Variants in FLNC observed in about 807,000 individuals in gnomAD.
FLNC encodes the protein filamin C, also known as filamin-C.
FLNC carries 91 observed loss-of-function variants against 254.3 expected under a neutral mutation model. That is an observed-to-expected ratio of 0.36 (90% confidence interval 0.30 to 0.43). FLNC has a LOEUF of 0.43. Among genes scored for constraint, FLNC ranks in the 20% least tolerant of loss-of-function variants. FLNC has a pLI of 1.00. For missense variants in FLNC, 2,853 were observed against 3,802.6 expected (o/e 0.75, Z 6.57); for synonymous variants, 1,430 against 1,577.2 (o/e 0.91, Z 2.21).
rs933349270 is a variant in FLNC at position 128,844,043 on chromosome 7, C to T, written c.2969C>T (p.Thr990Ile). The change falls in exon 20 of 48, where the codon ACA becomes ATA. Residue 990 changes from threonine to isoleucine, a missense_variant. This residue lies in a region of FLNC where 1,573 missense variants were observed against 1,883.5 expected (regional missense o/e 0.84). Transcript: ENST00000325888. ...VGQEQAFSVN[T>I]RGAGGQGQLD... ...CAGGAACAAGCATTCTCTGTGAACA[C>T]ACGAGGGGCTGGCGGTCAGGGCCAA... 1.8e-5 allele frequency: 29 copies of T among 1,614,018 alleles called. No homozygotes were observed. The highest frequency in any genetic ancestry group is 2.3e-5 in the Non-Finnish European group (27 of 1,180,052).
At chr7:128,848,118 C>T in intron 26 of FLNC, 50 bp downstream of exon 26, 4 of 1,561,660 alleles carry the variant, frequency 2.6e-6, no homozygotes, top group Non-Finnish European at 3.5e-6. Flanking sequence ...CTGGGGTGCT[C>T]CTGCTGGGGT....
intron 8 of FLNC, among the ~76,000 whole-genome samples, chr7:128,839,225 G>A (rs963569409): frequency 1.3e-5 from 2 of 152,232 alleles, no homozygotes; most frequent in Non-Finnish European, 1.5e-5. Context: ...GGCATGGCCC[G>A]GGCCGTGTGG....
At position 128,842,177 on chromosome 7, in the gene FLNC, G is replaced by A; in HGVS notation, c.2122-54G>A. 11 of 1,596,986 alleles carry A rather than the reference G, an allele frequency of 6.9e-6. No individual in the cohort carries two copies. Among genetic ancestry groups the A allele is most frequent in the Non-Finnish European group, 8.6e-6 (10 of 1,169,238 alleles). On this transcript the variant is annotated intron_variant, in intron 13 of 47. Coordinates refer to ENST00000325888, the MANE Select transcript of FLNC (RefSeq NM_001458.5). This position sits in a 1 kb window ranked among gnomAD's most constrained non-coding sequence, Gnocchi z 5.4. The stretch of plus-strand genomic sequence containing the variant: ...GCGCTGGGTTCACCTGCGGCCAGCA[G>A]AGGGCGCTCTGCAGAGGCCACAGCT...
chr7:128,847,911 C>T (rs762517673), intron 25 of FLNC, 34 bp from the exon 26 acceptor site: 29 of 1,613,596 alleles, frequency 1.8e-5, no homozygotes, highest in South Asian at 8.8e-5. Context: ...GCGGGACGCC[C>T]GGAGGCTCTG....
At chr7:128,845,491 C>T (rs546431240) in intron 21 of FLNC, among the ~76,000 whole-genome samples, 3 of 152,230 alleles carry the variant, frequency 2.0e-5, no homozygotes, top group African/African-American at 7.2e-5. Flanking sequence ...TGCCTCTGGG[C>T]GTTTTTCTGG....
In FLNC at chr7:128,858,842, C is replaced by T. The variant is rs1809184448; in HGVS notation, c.*319C>T. On this transcript the variant is annotated 3_prime_UTR_variant, in exon 48 of 48. Coordinates refer to ENST00000325888, the MANE Select transcript of FLNC (RefSeq NM_001458.5). This position sits in a 1 kb window ranked among gnomAD's most constrained non-coding sequence, Gnocchi z 6.7. ...GGCCAGGGAAGCCCTGAGTTTCTGGCGGGGCTGAGCAGTGGGGGAGCATTG... is the reference window on the plus strand; with the variant it reads ...GGCCAGGGAAGCCCTGAGTTTCTGGTGGGGCTGAGCAGTGGGGGAGCATTG... 1.1e-5 allele frequency: 5 copies of T among 446,160 alleles called. No individual in the cohort carries two copies. Among genetic ancestry groups the T allele is most frequent in the South Asian group, 4.6e-5 (2 of 43,708 alleles). The allele number at this position is 446,160 out of a possible 1,614,324, so 27.6% of individuals were successfully genotyped here. A position where few individuals can be genotyped will look rare whatever the true frequency, so the allele number is the denominator to read the frequency against.
rs1438890334 is a variant in FLNC, at chr7:128,835,737, C to A, written c.601+163C>A. Among the ~76,000 whole-genome samples, 1 of 152,200 alleles carries A rather than the reference C, an allele frequency of 6.6e-6. No individual in the cohort carries two copies. The highest frequency in any genetic ancestry group is 1.5e-5 in the Non-Finnish European group (1 of 68,018). ...TCCTCCAGCTGTGGCTCTCCGCTGG[C>A]TGGTGGCAGGCCCTACCTGATGAGT... On this transcript the variant is annotated intron_variant, in intron 2 of 47. Transcript: ENST00000325888. This position sits in a 1 kb window ranked among gnomAD's most constrained non-coding sequence, Gnocchi z 5.3.
At position 128,858,973 on chromosome 7, in the gene FLNC, G is replaced by C. The variant is rs1809190292; in HGVS notation, c.*450G>C. The C allele has an allele frequency of 1.0e-5, 2 of 195,904 alleles. No homozygotes were observed. The highest frequency in any genetic ancestry group is 4.6e-5 in the African/African-American group (2 of 43,162). The allele number at this position is 195,904 out of a possible 1,614,324, so 12.1% of individuals were successfully genotyped here. ...GGTCTCTCTGGTGGCTACAACCCCAGAGTTTTAAGGACTTGGAAAGGAAAG... is the reference window on the plus strand; with the variant it reads ...GGTCTCTCTGGTGGCTACAACCCCACAGTTTTAAGGACTTGGAAAGGAAAG... On this transcript the variant is annotated 3_prime_UTR_variant, in exon 48 of 48. Transcript: ENST00000325888. This position sits in a 1 kb window ranked among gnomAD's most constrained non-coding sequence, Gnocchi z 6.7.
chr7:128,834,744 T>C (rs542659058), intron 1 of FLNC, among the ~76,000 whole-genome samples: 52 of 152,094 alleles, frequency 3.4e-4, no homozygotes, highest in African/African-American at 1.2e-3. Flanking sequence ...AAATACAAAG[T>C]AATCTATCGT....
chr7:128,840,205 A>G (rs1562993634), intron 9 of FLNC, 45 bp downstream of exon 9: 1 of 1,608,516 alleles, frequency 6.2e-7, no homozygotes, highest in Non-Finnish European at 8.5e-7. Flanking sequence ...CTGGGGGATC[A>G]TAAGGGAAGT....
At chr7:128,852,502 G>C in intron 35 of FLNC, 89 bp from the exon 36 acceptor site, 1 of 1,468,666 alleles carries the variant, frequency 6.8e-7, no homozygotes, top group African/African-American at 1.4e-5. Flanking sequence ...GTTGAGTCCA[G>C]GGGGGGCTGC....
Position 128,855,214 on chromosome 7 carries a change from C to T in FLNC, c.7151C>T (p.Ser2384Phe), listed in dbSNP as rs1219809283. The change falls in exon 43 of 48, where the codon TCC (serine) becomes TTC (phenylalanine). Residue 2384 changes from serine to phenylalanine, a missense_variant. This residue lies in a region of FLNC where 551 missense variants were observed against 835.0 expected (regional missense o/e 0.66). Coordinates refer to ENST00000325888, the MANE Select transcript of FLNC (RefSeq NM_001458.5). The part of the protein sequence containing the change: ...VVQEPGDYEV[S>F]IKFNDEHIPD... ...CTCTCCCCAGGTGACTATGAGGTCTCCATCAAGTTCAATGATGAGCACATC... is the reference window on the plus strand; with the variant it reads ...CTCTCCCCAGGTGACTATGAGGTCTTCATCAAGTTCAATGATGAGCACATC... The T allele has an allele frequency of 8.1e-6, 13 of 1,611,836 alleles. No homozygotes were observed. Among genetic ancestry groups the T allele is most frequent in the Non-Finnish European group, 1.0e-5 (12 of 1,178,134 alleles).
chr7:128,830,431 C>G lies in FLNC; in HGVS notation c.-207C>G, dbSNP rs540306516. 2,523 of 597,602 alleles carry G rather than the reference C, an allele frequency of 4.2e-3. 82 individuals are homozygous for G. The South Asian group carries it at 0.046, about 11-fold the overall frequency. The allele number at this position is 597,602 out of a possible 1,614,324, so 37.0% of individuals were successfully genotyped here. A position where few individuals can be genotyped will look rare whatever the true frequency, so the allele number is the denominator to read the frequency against. ...GCCCTTCCCGAGCACCGCTCCGGCC[C>G]TGGAGGGAGAGAGAGCCAGAGAGCG... On this transcript the variant is annotated 5_prime_UTR_variant, in exon 1 of 48. Transcript: ENST00000325888.
Position 128,852,690 on chromosome 7 carries a change from T to C in FLNC, c.5942T>C (p.Ile1981Thr), listed in dbSNP as rs1808870663. ...ESDLSQLTAS[I>T]RAPSGNEEPC... ...GATCTGAGCCAGCTGACCGCCAGCATCCGTGCCCCCTCGGGCAACGAGGAG... is the reference window on the plus strand; with the variant it reads ...GATCTGAGCCAGCTGACCGCCAGCACCCGTGCCCCCTCGGGCAACGAGGAG... Residue 1981 changes from isoleucine to threonine, a missense_variant, in exon 36 of 48, where the codon ATC (isoleucine) becomes ACC (threonine). Physicochemically the swap from Ile to Thr is moderately conservative, Grantham distance 89. Around this residue, in one of 10 missense-constraint regions of FLNC, gnomAD observed 551 missense variants for 835.0 expected, o/e 0.66. Transcript: ENST00000325888. The C allele has an allele frequency of 6.2e-7, 1 of 1,612,868 alleles. No individual in the cohort carries two copies. Among genetic ancestry groups the C allele is most frequent in the African/African-American group, 1.3e-5 (1 of 74,802 alleles).
chr7:128,854,717 C>A, intron 41 of FLNC, 35 bp downstream of exon 41: 1 of 1,612,972 alleles, frequency 6.2e-7, no homozygotes, highest in South Asian at 1.1e-5. Context: ...GGGATGAAGT[C>A]AGGGCAGCCA....
In FLNC at chr7:128,831,954, A is replaced by G. The variant is rs552439706; in HGVS notation, c.352+965A>G. On this transcript the variant is annotated intron_variant, in intron 1 of 47. Coordinates refer to ENST00000325888, the MANE Select transcript of FLNC (RefSeq NM_001458.5). ...GATCCCCCCGCCCACCCCTGTGGAG[A>G]GCTCTTAAGAACCCTGCTGGGATTT... 6.6e-5 allele frequency among the ~76,000 whole-genome samples: 10 copies of G among 150,934 alleles called. No homozygotes were observed. The South Asian group carries it at 2.1e-3, about 32-fold the overall frequency.
Position 128,859,253 on chromosome 7 carries a change from A to G in FLNC, c.*730A>G, listed in dbSNP as rs1809201094. On this transcript the variant is annotated 3_prime_UTR_variant, in exon 48 of 48. Transcript: ENST00000325888. ...GGAGCTGCTTAGGTGGAAAACTCCA[A>G]ATAAAGTGCGGCTGTCGCAGAGGGT... is the stretch of plus-strand genomic sequence containing the variant. The G allele has an allele frequency of 6.5e-6, 1 of 152,752 alleles. No individual in the cohort carries two copies. The highest frequency in any genetic ancestry group is 6.5e-5 in the Admixed American group (1 of 15,296). 9.5% of individuals were successfully genotyped at this position (152,752 alleles called of 1,614,324 possible).
Position 128,857,400 on chromosome 7 carries a change from T to A in FLNC, c.7780+64T>A. 9.2e-7 allele frequency: 1 copy of A among 1,087,460 alleles called. No homozygotes were observed. The highest frequency in any genetic ancestry group is 1.4e-6 in the Non-Finnish European group (1 of 717,716). 67.4% of individuals were successfully genotyped at this position (1,087,460 alleles called of 1,614,324 possible). A position where few individuals can be genotyped will look rare whatever the true frequency, so the allele number is the denominator to read the frequency against. On this transcript the variant is annotated intron_variant, in intron 46 of 47. Coordinates refer to ENST00000325888, the MANE Select transcript of FLNC (RefSeq NM_001458.5). This position sits in a 1 kb window ranked among gnomAD's most constrained non-coding sequence, Gnocchi z 4.5. ...CCCAGCCCAGCCTGGAGGGCTCCGG[T>A]GGCCACGCACATCTAGGCCATAGTC...
Position 128,844,696 on chromosome 7 carries a change from A to T in FLNC, c.3231A>T (p.Val1077=). Residue 1077 remains valine (V), a synonymous_variant, in exon 21 of 48, where the codon GTA becomes GTT. Coordinates refer to ENST00000325888, the MANE Select transcript of FLNC (RefSeq NM_001458.5). ...GCCCGGGTCTCAAGGGTGGACTGGTAGGCACCCCCGCGCCATTCTCCATCG... is the reference window on the plus strand; with the variant it reads ...GCCCGGGTCTCAAGGGTGGACTGGTTGGCACCCCCGCGCCATTCTCCATCG... ...AYGPGLKGGL[V]GTPAPFSIDT... is the part of the protein sequence containing the mutation. 1 of 1,613,360 alleles carries T rather than the reference A, an allele frequency of 6.2e-7. No homozygotes were observed. The highest frequency in any genetic ancestry group is 1.1e-5 in the South Asian group (1 of 91,066).
Sources: allele counts gnomAD v4.1 joint callset (sites outside exome capture counted in the v4.1 genomes callset), GRCh38; gene constraint gnomAD v4.1.1; regional missense constraint gnomAD v4.1.1; non-coding constraint Gnocchi (gnomAD v3.1); transcripts MANE v1.5; gene names NCBI Gene and HGNC (gene_info 2026-07-23, HGNC 2026-07-21).